The following CA5A variants were observed in gnomAD, a reference collection of about 807,000 sequenced individuals.
CA5A encodes carbonic anhydrase 5A.
Under a neutral mutation model 37.1 loss-of-function variants are expected in CA5A, and 28 were observed. That is an observed-to-expected ratio of 0.75 (90% confidence interval 0.56 to 1.03). The LOEUF (loss-of-function observed/expected upper bound fraction) is 1.03, where lower values mean the gene tolerates loss of function less well. Ranked by LOEUF, CA5A falls within the 50% of genes least tolerant of loss-of-function variation. CA5A has a pLI of 0.00. For missense variants in CA5A, 444 were observed against 399.9 expected, an observed-to-expected ratio of 1.11 and a Z score of -0.94; for synonymous variants, 171 against 158.4, an observed-to-expected ratio of 1.08 and a Z score of -0.60.
At position 87,911,966 on chromosome 16, in the gene CA5A, C is replaced by T. The variant is rs1041328951; in HGVS notation, c.341-7062G>A. ...GCAGTGAGAGCTCAAATAATGGTAG[C>T]CACTTACTATTATTATGACTGGTGT... On this transcript the variant is annotated intron_variant, in intron 2 of 6. Transcript: ENST00000649794. This position sits in a 1 kb window ranked among gnomAD's most constrained non-coding sequence, Gnocchi z 4.6. Among the ~76,000 whole-genome samples, 7 of 152,120 alleles carry T rather than the reference C, an allele frequency of 4.6e-5. No individual in the cohort carries two copies. Among genetic ancestry groups the T allele is most frequent in the Non-Finnish European group, 8.8e-5 (6 of 68,028 alleles).
intron 5 of CA5A, among the ~76,000 whole-genome samples, chr16:87,898,156 G>A (rs551220787): frequency 5.2e-4 from 79 of 152,300 alleles, no homozygotes; most frequent in African/African-American, 1.2e-3. Context: ...AGCAGGGCCC[G>A]GACCAGCCTG....
chr16:87,920,116 G>A (rs906319922), intron 2 of CA5A, among the ~76,000 whole-genome samples: 25 of 152,152 alleles, frequency 1.6e-4, no homozygotes, highest in African/African-American at 6.0e-4. Context: ...GCATGGACGA[G>A]GCTGAGCTGC....
intron 1 of CA5A, among the ~76,000 whole-genome samples, chr16:87,932,747 C>T (rs1425028616): frequency 6.6e-6 from 1 of 151,920 alleles, no homozygotes; most frequent in Non-Finnish European, 1.5e-5. Flanking sequence ...CACACGGGCG[C>T]AGTCTGGAAG....
chr16:87,907,795 A>G (rs1340591790), intron 2 of CA5A, among the ~76,000 whole-genome samples: 2 of 151,872 alleles, frequency 1.3e-5, no homozygotes, highest in Non-Finnish European at 2.9e-5. Context: ...GTGTGGTGGC[A>G]GGTGCCTGTA....
intron 6 of CA5A, among the ~76,000 whole-genome samples, chr16:87,891,057 G>C (rs960268505): frequency 6.6e-6 from 1 of 151,538 alleles, no homozygotes; most frequent in East Asian, 1.9e-4. Context: ...GCCTCTTTAA[G>C]TCCTAAAATT....
chr16:87,925,031 C>T (rs912862425), intron 2 of CA5A, among the ~76,000 whole-genome samples: 7 of 152,142 alleles, frequency 4.6e-5, no homozygotes, highest in South Asian at 2.1e-4. Flanking sequence ...GGAGGCCTGG[C>T]GCATAAAATA....
In CA5A at chr16:87,914,671, C is replaced by T. The variant is rs577830961; in HGVS notation, c.341-9767G>A. On this transcript the variant is annotated intron_variant, in intron 2 of 6. Transcript: ENST00000649794. ...GGGCTCAGCTACTGGCACAGCAACA[C>T]GAGGGAACCACGGAGAGCAGGAGGG... Among the ~76,000 whole-genome samples, 4 of 151,386 alleles carry T rather than the reference C, an allele frequency of 2.6e-5. No individual in the cohort carries two copies. The East Asian group carries it at 7.8e-4, about 30-fold the overall frequency.
chr16:87,934,313 A>T lies in CA5A; in HGVS notation c.142+1996T>A, dbSNP rs376780967. ...GCTGGGCGTGGTGGCTCACGCCTGCAATCCCAGCACTTTGGGAGGCTGAGG... is the reference window on the plus strand; with the variant it reads ...GCTGGGCGTGGTGGCTCACGCCTGCTATCCCAGCACTTTGGGAGGCTGAGG... On this transcript the variant is annotated intron_variant, in intron 1 of 6. Transcript: ENST00000649794. 1.2e-4 allele frequency among the ~76,000 whole-genome samples: 18 copies of T among 152,384 alleles called. No individual in the cohort carries two copies. The East Asian group carries it at 1.3e-3, about 11-fold the overall frequency.
At chr16:87,917,451 G>C (rs147072513) in intron 2 of CA5A, among the ~76,000 whole-genome samples, 1,880 of 152,340 alleles carry the variant, frequency 0.012, 39 homozygotes, top group African/African-American at 0.043. Context: ...TTTCAGTCTT[G>C]AGGACCAGAA....
At chr16:87,924,034 C>A (rs2056266934) in intron 2 of CA5A, 1 of 985,288 alleles carries the variant, frequency 1.0e-6, no homozygotes. Context: ...TTGGAACAGA[C>A]CAACAAGGGG....
At chr16:87,930,931 G>C (rs1277578868) in intron 1 of CA5A, among the ~76,000 whole-genome samples, 3 of 151,828 alleles carry the variant, frequency 2.0e-5, no homozygotes, top group African/African-American at 7.3e-5. Flanking sequence ...AGTAGAGACG[G>C]GGTTTCACCG....
At chr16:87,936,194 A>T in intron 1 of CA5A, 115 bp downstream of exon 1, 8 of 542,722 alleles carry the variant, frequency 1.5e-5, no homozygotes, top group Non-Finnish European at 2.3e-5. Context: ...AAAAAAACGG[A>T]GTGGAAATCT....
chr16:87,918,030 C>T (rs1359486891), intron 2 of CA5A, among the ~76,000 whole-genome samples: 8 of 152,254 alleles, frequency 5.3e-5, no homozygotes, highest in Non-Finnish European at 1.0e-4. Flanking sequence ...ATTCACTCTT[C>T]CCCTGTCTCT....
chr16:87,910,692 C>T (rs1324147254), intron 2 of CA5A, among the ~76,000 whole-genome samples: 1 of 152,146 alleles, frequency 6.6e-6, no homozygotes, highest in East Asian at 1.9e-4. Context: ...ATTCTCCTGC[C>T]TCAGCCTCCT....
intron 1 of CA5A, among the ~76,000 whole-genome samples, chr16:87,929,844 C>G (rs1200789148): frequency 8.6e-6 from 1 of 115,632 alleles, no homozygotes; most frequent in Non-Finnish European, 1.6e-5. Flanking sequence ...CGCACTCCAG[C>G]CTGGGCAATA....
chr16:87,891,698 T>G, intron 6 of CA5A, 101 bp downstream of exon 6: 1 of 1,062,716 alleles, frequency 9.4e-7, no homozygotes. Flanking sequence ...AAAGAATATA[T>G]ATAACTCCAC....
At chr16:87,899,657 C>T (rs1324368827) in intron 5 of CA5A, among the ~76,000 whole-genome samples, 4 of 150,012 alleles carry the variant, frequency 2.7e-5, no homozygotes, top group African/African-American at 7.3e-5. Flanking sequence ...CGGTGGTTCA[C>T]GCCGGTAATC....
chr16:87,908,049 T>C (rs958515589), intron 2 of CA5A, among the ~76,000 whole-genome samples: 6 of 152,158 alleles, frequency 3.9e-5, no homozygotes, highest in African/African-American at 1.4e-4. Flanking sequence ...GATGAATGAA[T>C]ACAGGAACGA....
chr16:87,912,989 G>GTT (rs35315484), intron 2 of CA5A, among the ~76,000 whole-genome samples: 40 of 146,484 alleles, frequency 2.7e-4, no homozygotes, highest in East Asian at 1.2e-3. Context: ...CCGCAACATG[G>GTT]TTTTTTTTTT....
Sources: gnomAD v4.1 joint callset for allele counts (sites outside exome capture counted in the v4.1 genomes callset) on GRCh38, gnomAD v4.1.1 for gene constraint, Gnocchi (gnomAD v3.1) non-coding constraint, MANE v1.5 for transcripts, NCBI Gene and HGNC (gene_info 2026-07-23, HGNC 2026-07-21) for gene names.